The following ERFL variants were observed in gnomAD, a reference collection of about 807,000 sequenced individuals.
ERFL encodes the protein ETS domain-containing transcription factor ERF-like.
In ERFL, 8 loss-of-function variants were observed where a neutral mutation model predicts 27.9. That is an observed-to-expected ratio of 0.29 (90% CI 0.17 to 0.52). The LOEUF (loss-of-function observed/expected upper bound fraction) is 0.52, where lower values mean the gene tolerates loss of function less well. Among genes scored for constraint, ERFL ranks in the 20% least tolerant of loss-of-function variants. The pLI is 0.97. For missense variants in ERFL, 294 were observed against 444.4 expected (o/e 0.66, Z 3.04); for synonymous variants, 174 against 202.8 (o/e 0.86, Z 1.21).
At chr19:41,926,790 C>T (rs1008800900) in intron 1 of ERFL, among the ~76,000 whole-genome samples, 1 of 152,142 alleles carries the variant, frequency 6.6e-6, no homozygotes, top group Non-Finnish European at 1.5e-5. Flanking sequence ...CCAGAGCGAC[C>T]GATCGATTCG....
chr19:41,924,271 A>G (rs1446588806), intron 1 of ERFL, among the ~76,000 whole-genome samples: 4 of 152,004 alleles, frequency 2.6e-5, no homozygotes, highest in African/African-American at 9.7e-5. Context: ...CTGGATGGCT[A>G]GGAGGGCAGT....
At chr19:41,924,436 A>C (rs1599681414) in intron 1 of ERFL, among the ~76,000 whole-genome samples, 1 of 152,158 alleles carries the variant, frequency 6.6e-6, no homozygotes. Flanking sequence ...GACAAATGAG[A>C]CAATGGGTGT....
chr19:41,926,688 G>C (rs1020829167), intron 1 of ERFL, among the ~76,000 whole-genome samples: 49 of 152,096 alleles, frequency 3.2e-4, no homozygotes, highest in Admixed American at 1.0e-3. Flanking sequence ...GATGCGGAGC[G>C]CGTCTGGGCC....
rs1463141684 is a variant in ERFL, at chr19:41,912,928, C to G, written c.-9G>C. 1 of 1,230,202 alleles carries G rather than the reference C, an allele frequency of 8.1e-7. No homozygotes were observed. The highest frequency in any genetic ancestry group is 1.0e-6 in the Non-Finnish European group (1 of 986,724). 76.2% of individuals were successfully genotyped at this position (1,230,202 alleles called of 1,614,324 possible). A position where few individuals can be genotyped will look rare whatever the true frequency, so the allele number is the denominator to read the frequency against. ...ACGCAGCTACAGTCCATGGCGGAGC[C>G]GGCCCTGCAGAGGCCGGGAGGGACA... is the stretch of plus-strand genomic sequence containing the variant. On this transcript the variant is annotated 5_prime_UTR_variant, in exon 2 of 6. Coordinates refer to ENST00000597630, the MANE Select transcript of ERFL (RefSeq NM_001365103.2).
intron 1 of ERFL, among the ~76,000 whole-genome samples, 177 bp from the exon 2 acceptor site, chr19:41,913,109 C>T (rs1351500272): frequency 6.6e-6 from 1 of 151,972 alleles, no homozygotes. Flanking sequence ...CTGTCCCCAG[C>T]CGTTCCCGGC....
In ERFL at chr19:41,914,474, C is replaced by G. The variant is rs1399509575; in HGVS notation, c.-13-1542G>C. Among the ~76,000 whole-genome samples, 11 of 151,766 alleles carry G rather than the reference C, an allele frequency of 7.2e-5. 1 individual carries two copies. Among genetic ancestry groups the G allele is most frequent in the Admixed American group, 7.2e-4 (11 of 15,282 alleles). ...TCTCTCACCCCTGCTTCTTCTCCATCTGTCTCTCCATCTTCCCAGTGTGTC... is the reference window on the plus strand; with the variant it reads ...TCTCTCACCCCTGCTTCTTCTCCATGTGTCTCTCCATCTTCCCAGTGTGTC... On this transcript the variant is annotated intron_variant, in intron 1 of 5. Transcript: ENST00000597630.
intron 1 of ERFL, among the ~76,000 whole-genome samples, chr19:41,925,906 G>A (rs1381402600): frequency 2.0e-5 from 3 of 152,010 alleles, no homozygotes; most frequent in Non-Finnish European, 4.4e-5. Flanking sequence ...GGGGACTGGT[G>A]GGGGCAGGCC....
chr19:41,913,379 G>C (rs559165446), intron 1 of ERFL, among the ~76,000 whole-genome samples: 1 of 151,388 alleles, frequency 6.6e-6, no homozygotes, highest in Non-Finnish European at 1.5e-5. Flanking sequence ...GTCTCCCTCT[G>C]TCTCTCTCTC....
rs2074810470 is a variant in ERFL, at chr19:41,917,708, C to T, written c.-13-4776G>A. Among the ~76,000 whole-genome samples, 1 of 151,838 alleles carries T rather than the reference C, an allele frequency of 6.6e-6. No homozygotes were observed. The highest frequency in any genetic ancestry group is 6.5e-5 in the Admixed American group (1 of 15,268). ...CCATGGCCACACGTTCAGGCACAAT[C>T]TGGGGACATATCTCTCCTTACGCCA... On this transcript the variant is annotated intron_variant, in intron 1 of 5. Transcript: ENST00000597630. The surrounding 1 kb of genome is among the most constrained non-coding windows in gnomAD (Gnocchi z 4.8).
chr19:41,923,978 C>A lies in ERFL; in HGVS notation c.-14+4062G>T, dbSNP rs1475905953. ...GCTGTGCTGGGGGGAGGTAGGGGTGCGCTGGGAGGGGGCTGTGCTGGGGGT... is the reference window on the plus strand; with the variant it reads ...GCTGTGCTGGGGGGAGGTAGGGGTGAGCTGGGAGGGGGCTGTGCTGGGGGT... On this transcript the variant is annotated intron_variant, in intron 1 of 5. Coordinates refer to ENST00000597630, the MANE Select transcript of ERFL (RefSeq NM_001365103.2). Among the ~76,000 whole-genome samples, 4 of 36,692 alleles carry A rather than the reference C, an allele frequency of 1.1e-4. 1 individual carries two copies. The highest frequency in any genetic ancestry group is 4.7e-4 in the African/African-American group (4 of 8,578). 24.1% of individuals were successfully genotyped at this position (36,692 alleles called of 152,430 possible). A position where few individuals can be genotyped will look rare whatever the true frequency, so the allele number is the denominator to read the frequency against.
chr19:41,914,725 T>C (rs1186427540), intron 1 of ERFL, among the ~76,000 whole-genome samples: 1 of 20,388 alleles, frequency 4.9e-5, no homozygotes. Flanking sequence ...TGTCTCTCCC[T>C]CCCCTTCCAC....
In ERFL at chr19:41,914,806, TCCCCCTCCACCGTGTCTCCCC is replaced by T. The variant is rs1478859336; in HGVS notation, c.-13-1895_-13-1875del. On this transcript the variant is annotated intron_variant, in intron 1 of 5. Coordinates refer to ENST00000597630, the MANE Select transcript of ERFL (RefSeq NM_001365103.2). ...CCCTTCCACCGTCTCTGTCTCTCCC[TCCCCCTCCACCGTGTCTCCCC>T]CCCTTTCCACCGTCTCTGTCTCTCC... Among the ~76,000 whole-genome samples, 7 of 22,054 alleles carry T rather than the reference TCCCCCTCCACCGTGTCTCCCC, an allele frequency of 3.2e-4. 2 individuals are homozygous for T. Among genetic ancestry groups the T allele is most frequent in the Non-Finnish European group, 3.6e-4 (4 of 11,204 alleles). 14.5% of individuals were successfully genotyped at this position (22,054 alleles called of 152,430 possible). A position where few individuals can be genotyped will look rare whatever the true frequency, so the allele number is the denominator to read the frequency against.
chr19:41,909,261 A>T lies in ERFL; in HGVS notation c.498+15T>A. 2 of 1,232,282 alleles carry T rather than the reference A, an allele frequency of 1.6e-6. No individual in the cohort carries two copies. Among genetic ancestry groups the T allele is most frequent in the Non-Finnish European group, 2.0e-6 (2 of 988,504 alleles). The allele number at this position is 1,232,282 out of a possible 1,614,324, so 76.3% of individuals were successfully genotyped here. ...CCAAGTGCCTCGGTTCCAGGACCCC[A>T]GTACCCAGACTCACCTCAGGGGTGA... is the stretch of plus-strand genomic sequence containing the variant. On this transcript the variant is annotated intron_variant, in intron 4 of 5. Coordinates refer to ENST00000597630, the MANE Select transcript of ERFL (RefSeq NM_001365103.2). This position sits in a 1 kb window ranked among gnomAD's most constrained non-coding sequence, Gnocchi z 5.2.
chr19:41,915,239 G>C (rs782082031), intron 1 of ERFL, among the ~76,000 whole-genome samples: 1 of 147,738 alleles, frequency 6.8e-6, no homozygotes, highest in Non-Finnish European at 1.5e-5. Context: ...ACGAGGAGCC[G>C]TGGGATCGGC....
chr19:41,925,355 G>T (rs1224857366), intron 1 of ERFL, among the ~76,000 whole-genome samples: 3 of 152,122 alleles, frequency 2.0e-5, no homozygotes, highest in Non-Finnish European at 4.4e-5. Flanking sequence ...GAGAGTACCT[G>T]AGGGACAGGT....
At chr19:41,926,700 C>A (rs1172236027) in intron 1 of ERFL, among the ~76,000 whole-genome samples, 3 of 148,156 alleles carry the variant, frequency 2.0e-5, no homozygotes, top group Non-Finnish European at 4.5e-5. Context: ...GTCTGGGCCG[C>A]GGCGGCCGGC....
chr19:41,925,218 C>T (rs373877860), intron 1 of ERFL, among the ~76,000 whole-genome samples: 2 of 152,018 alleles, frequency 1.3e-5, no homozygotes, highest in East Asian at 3.8e-4. Flanking sequence ...GTTACCAGGG[C>T]AGAGGATTCC....
rs1217772504 is a variant in ERFL, at chr19:41,921,667, G to T, written c.-14+6373C>A. ...AGGAAGGAGAGAAGAGGGCAGAGATGCGGAAAATTGAGGGATTAGGGCAGA... is the reference window on the plus strand; with the variant it reads ...AGGAAGGAGAGAAGAGGGCAGAGATTCGGAAAATTGAGGGATTAGGGCAGA... On this transcript the variant is annotated intron_variant, in intron 1 of 5. Coordinates refer to ENST00000597630, the MANE Select transcript of ERFL (RefSeq NM_001365103.2). The surrounding 1 kb of genome is among the most constrained non-coding windows in gnomAD (Gnocchi z 4.4). Among the ~76,000 whole-genome samples, 2 of 152,108 alleles carry T rather than the reference G, an allele frequency of 1.3e-5. No individual in the cohort carries two copies. Among genetic ancestry groups the T allele is most frequent in the African/African-American group, 4.8e-5 (2 of 41,400 alleles).
At chr19:41,919,677 TC>T (rs2074825948) in intron 1 of ERFL, among the ~76,000 whole-genome samples, 1 of 152,006 alleles carries the variant, frequency 6.6e-6, no homozygotes, top group Admixed American at 6.6e-5. Context: ...CTCAGCTGCG[TC>T]CTTCACACCC....
Sources: gnomAD v4.1 joint callset for allele counts (sites outside exome capture counted in the v4.1 genomes callset) on GRCh38, gnomAD v4.1.1 for gene constraint, Gnocchi (gnomAD v3.1) non-coding constraint, MANE v1.5 for transcripts, NCBI Gene and HGNC (gene_info 2026-07-23, HGNC 2026-07-21) for gene names.